The following STK4 variants were observed in gnomAD, a reference collection of about 807,000 sequenced individuals.
STK4 encodes serine/threonine kinase 4.
STK4 carries 30 observed loss-of-function variants against 64.9 expected under a neutral mutation model. The observed-to-expected ratio is 0.46, with a 90% confidence interval of 0.35 to 0.63. The LOEUF is 0.63. Among genes scored for constraint, STK4 ranks in the 20% least tolerant of loss-of-function variants. STK4 has a pLI of 0.01. For missense variants in STK4, 466 were observed against 598.5 expected (o/e 0.78, Z 2.31); for synonymous variants, 177 against 199.0 (o/e 0.89, Z 0.93).
chr20:45,031,689 G>A (rs957764250), intron 10 of STK4, among the ~76,000 whole-genome samples: 13 of 152,046 alleles, frequency 8.6e-5, no homozygotes, highest in Admixed American at 7.9e-4. Flanking sequence ...ACCACGTGAG[G>A]TCAGGAGTTT....
At chr20:44,973,714 AGCAAATT>A (rs2067291308) in intron 2 of STK4, among the ~76,000 whole-genome samples, 1 of 152,248 alleles carries the variant, frequency 6.6e-6, no homozygotes, top group South Asian at 2.1e-4. Flanking sequence ...AGTGGGCTTA[AGCAAATT>A]GCTTACTATT....
intron 1 of STK4, chr20:44,967,337 G>A: frequency 3.0e-6 from 2 of 667,510 alleles, no homozygotes; most frequent in Non-Finnish European, 3.7e-6. Flanking sequence ...GTTGGGAAGT[G>A]TTTCCTTCTT....
chr20:45,068,745 T>C (rs770935386), intron 10 of STK4, among the ~76,000 whole-genome samples: 22 of 152,188 alleles, frequency 1.4e-4, no homozygotes, highest in Admixed American at 5.9e-4. Flanking sequence ...ACCTCATCTC[T>C]AAAAGGAGGA....
At chr20:45,043,766 A>G (rs1052879120) in intron 10 of STK4, among the ~76,000 whole-genome samples, 1 of 152,208 alleles carries the variant, frequency 6.6e-6, no homozygotes, top group Non-Finnish European at 1.5e-5. Context: ...CAAAATCCAA[A>G]GTTTAAAACA....
chr20:45,053,287 T>C (rs1256882041), intron 10 of STK4: 2 of 903,600 alleles, frequency 2.2e-6, no homozygotes, highest in African/African-American at 1.7e-5. Flanking sequence ...GAAATGGCTT[T>C]GAGAGCAGGA....
At chr20:44,988,533 G>GTGTGTATATATATATA (rs1221720136) in intron 5 of STK4, among the ~76,000 whole-genome samples, 8 of 101,586 alleles carry the variant, frequency 7.9e-5, no homozygotes, top group African/African-American at 3.8e-4. Context: ...ATGTGTGTGT[G>GTGTGTATATATATATA]TATATATATA....
At chr20:45,003,847 G>A (rs1189802414) in intron 9 of STK4, among the ~76,000 whole-genome samples, 1 of 151,228 alleles carries the variant, frequency 6.6e-6, no homozygotes, top group Non-Finnish European at 1.5e-5. Context: ...CTCCCGAGTA[G>A]CTGCGACTAC....
chr20:45,047,269 G>A (rs376579546), intron 10 of STK4, among the ~76,000 whole-genome samples: 9 of 152,090 alleles, frequency 5.9e-5, no homozygotes, highest in African/African-American at 1.9e-4. Flanking sequence ...GCTTTGAGGC[G>A]CTAGGTGACA....
intron 5 of STK4, 94 bp from the exon 6 acceptor site, chr20:44,994,996 T>G (rs1342446575): frequency 3.3e-5 from 37 of 1,111,940 alleles, no homozygotes; most frequent in Non-Finnish European, 4.3e-5. Context: ...TCAGTAGTTT[T>G]TTTTTTTTTC....
rs781137671 is a variant in STK4, at chr20:44,987,168, A to T, written c.397A>T (p.Thr133Ser). The T allele has an allele frequency of 6.2e-7, 1 of 1,604,918 alleles. No individual in the cohort carries two copies. The highest frequency in any genetic ancestry group is 1.7e-5 in the Admixed American group (1 of 58,230). ...EDEIATILQS[T>S]LKGLEYLHFM... ...TGAAATAGCTACAATATTACAATCA[A>T]CTCTTAAGGGACTTGAATACCTTCA... Residue 133 changes from threonine to serine, a missense_variant, in exon 5 of 11, where the codon ACT becomes TCT. Thr to Ser is a moderately conservative substitution (Grantham distance 58). Coordinates refer to ENST00000372806, the MANE Select transcript of STK4 (RefSeq NM_006282.5).
At chr20:45,010,271 T>C (rs1385196533) in intron 9 of STK4, among the ~76,000 whole-genome samples, 1 of 152,166 alleles carries the variant, frequency 6.6e-6, no homozygotes, top group Non-Finnish European at 1.5e-5. Context: ...TTCACCATAT[T>C]GGGCAGGCTG....
chr20:44,997,373 G>C (rs1446727361), intron 7 of STK4, 67 bp downstream of exon 7: 1 of 1,527,230 alleles, frequency 6.5e-7, no homozygotes, highest in Non-Finnish European at 8.8e-7. Flanking sequence ...GATGCCATGA[G>C]GTCACCTACG....
At chr20:44,978,148 G>A (rs1314730299) in intron 2 of STK4, among the ~76,000 whole-genome samples, 2 of 152,158 alleles carry the variant, frequency 1.3e-5, no homozygotes, top group African/African-American at 4.8e-5. Flanking sequence ...GAATTGAGAT[G>A]GTGTACAGTC....
chr20:45,062,267 G>A (rs1979101670), intron 10 of STK4, among the ~76,000 whole-genome samples: 1 of 152,118 alleles, frequency 6.6e-6, no homozygotes, highest in Admixed American at 6.5e-5. Flanking sequence ...ACATGATCTT[G>A]TTCTTTTTTA....
At chr20:45,005,912 T>G (rs1277754659) in intron 9 of STK4, among the ~76,000 whole-genome samples, 1 of 152,002 alleles carries the variant, frequency 6.6e-6, no homozygotes, top group Non-Finnish European at 1.5e-5. Flanking sequence ...CTAAGTGGAC[T>G]CTTATTTTCT....
chr20:45,034,757 A>G (rs1254273256), intron 10 of STK4, among the ~76,000 whole-genome samples: 1 of 152,120 alleles, frequency 6.6e-6, no homozygotes, highest in Non-Finnish European at 1.5e-5. Context: ...TACAAAAAAA[A>G]GGAAAAAAAA....
At chr20:45,043,431 C>G (rs1246018422) in intron 10 of STK4, among the ~76,000 whole-genome samples, 1 of 152,178 alleles carries the variant, frequency 6.6e-6, no homozygotes, top group Non-Finnish European at 1.5e-5. Context: ...TTTCAGCGTT[C>G]AAATCCTGAC....
chr20:45,012,314 G>A (rs182480942), intron 9 of STK4, among the ~76,000 whole-genome samples: 2 of 152,074 alleles, frequency 1.3e-5, no homozygotes, highest in Non-Finnish European at 2.9e-5. Flanking sequence ...GATTACAGGC[G>A]TGAGCCACTG....
chr20:44,995,277 G>A lies in STK4; in HGVS notation c.693+20G>A, dbSNP rs2067707525. 1.2e-6 allele frequency: 2 copies of A among 1,601,138 alleles called. No individual in the cohort carries two copies. Among genetic ancestry groups the A allele is most frequent in the Admixed American group, 1.7e-5 (1 of 58,152 alleles). Reference sequence around the variant, plus strand: ...ATGAGGGTAAGAAAGTGGACAGAAAGCCAGTGGGGTGGTTAGTTACTGATC... The same window carrying A: ...ATGAGGGTAAGAAAGTGGACAGAAAACCAGTGGGGTGGTTAGTTACTGATC... On this transcript the variant is annotated intron_variant, in intron 6 of 10. Coordinates refer to ENST00000372806, the MANE Select transcript of STK4 (RefSeq NM_006282.5).
Sources: gnomAD v4.1 joint callset for allele counts (sites outside exome capture counted in the v4.1 genomes callset) on GRCh38, gnomAD v4.1.1 for gene constraint, MANE v1.5 for transcripts, NCBI Gene and HGNC (gene_info 2026-07-23, HGNC 2026-07-21) for gene names.